Variants in CDH7 observed in about 807,000 individuals in gnomAD.
CDH7 encodes cadherin 7.
Under a neutral mutation model 71.8 loss-of-function variants are expected in CDH7, and 25 were observed. The observed-to-expected ratio is 0.35, with a 90% CI of 0.25 to 0.49. The LOEUF is 0.49. Ranked by LOEUF, CDH7 falls within the 20% of genes least tolerant of loss-of-function variation. The probability of loss-of-function intolerance (pLI) is 0.99; values close to 1 mark genes in which losing one functional copy is unlikely to be tolerated. For missense variants in CDH7, 862 were observed against 974.6 expected, an observed-to-expected ratio of 0.88 and a Z score of 1.54; for synonymous variants, 381 against 363.8, an observed-to-expected ratio of 1.05 and a Z score of -0.54.
intron 4 of CDH7, 128 bp from the exon 5 acceptor site, chr18:65,821,953 A>G: frequency 1.5e-6 from 1 of 683,088 alleles, no homozygotes; most frequent in Non-Finnish European, 2.6e-6. Context: ...ACACAGTAAA[A>G]TTATTTAAAG....
chr18:65,865,811 A>C (rs1326186175), intron 11 of CDH7: 1 of 152,200 alleles, frequency 6.6e-6, no homozygotes, highest in Non-Finnish European at 1.5e-5. Flanking sequence ...GCCTGGCATG[A>C]AAATTGATTT....
chr18:65,812,052 T>A (rs961466104), intron 3 of CDH7, among the ~76,000 whole-genome samples: 1 of 128,630 alleles, frequency 7.8e-6, no homozygotes, highest in African/African-American at 2.8e-5. Context: ...TACTGCAACC[T>A]CCACCTCCCG....
intron 11 of CDH7, chr18:65,866,499 A>T (rs1913767041): frequency 6.6e-6 from 1 of 152,106 alleles, no homozygotes; most frequent in South Asian, 2.1e-4. Flanking sequence ...CAGAAGTTTA[A>T]TGCTGGAAGG....
intron 11 of CDH7, among the ~76,000 whole-genome samples, chr18:65,867,550 CTG>C (rs940400069): frequency 6.6e-6 from 1 of 152,082 alleles, no homozygotes; most frequent in African/African-American, 2.4e-5. Context: ...AGAATTTCAA[CTG>C]TTTTGTTTAA....
intron 2 of CDH7, among the ~76,000 whole-genome samples, chr18:65,770,121 CAGTT>C (rs746137959): frequency 1.3e-5 from 2 of 152,056 alleles, no homozygotes; most frequent in African/African-American, 2.4e-5. Flanking sequence ...ATCTATAAGA[CAGTT>C]AGGTAATGTT....
At chr18:65,867,724 T>C (rs1028495456) in intron 11 of CDH7, among the ~76,000 whole-genome samples, 2 of 152,212 alleles carry the variant, frequency 1.3e-5, no homozygotes, top group Admixed American at 1.3e-4. Context: ...TACTTGGACT[T>C]CCAGGGCCCA....
At chr18:65,820,112 G>A (rs1214346926) in intron 4 of CDH7, among the ~76,000 whole-genome samples, 5 of 102,124 alleles carry the variant, frequency 4.9e-5, no homozygotes, top group Non-Finnish European at 1.1e-4. Flanking sequence ...TTGAACAATA[G>A]CAATATAAGT....
At chr18:65,849,682 G>A (rs987030610) in intron 7 of CDH7, among the ~76,000 whole-genome samples, 2 of 151,358 alleles carry the variant, frequency 1.3e-5, no homozygotes, top group African/African-American at 4.9e-5. Flanking sequence ...CAAAGTGCTG[G>A]GATTACAGGT....
At chr18:65,851,697 T>C (rs1913156221) in intron 7 of CDH7, among the ~76,000 whole-genome samples, 1 of 152,218 alleles carries the variant, frequency 6.6e-6, no homozygotes, top group African/African-American at 2.4e-5. Flanking sequence ...TGAAAACTCA[T>C]TTTAAAAAAT....
At position 65,821,778 on chromosome 18, in the gene CDH7, A is replaced by G. The variant is rs66550127; in HGVS notation, c.626-303A>G. Among the ~76,000 whole-genome samples the G allele has an allele frequency of 0.21, 31,670 of 152,096 alleles. 3,511 individuals are homozygous for G. Among genetic ancestry groups the G allele is most frequent in the Non-Finnish European group, 0.25 (17,311 of 67,944 alleles). ...TGTACAGGTGACTGTCCATTATTCT[A>G]GGTAAAAGGCCATTTTATTTATTTA... is the stretch of plus-strand genomic sequence containing the variant. On this transcript the variant is annotated intron_variant, in intron 4 of 11. Transcript: ENST00000397968.
chr18:65,788,271 C>A (rs1314435959), intron 2 of CDH7, among the ~76,000 whole-genome samples: 1 of 152,138 alleles, frequency 6.6e-6, no homozygotes, highest in African/African-American at 2.4e-5. Flanking sequence ...GCAAATTTTA[C>A]ATTACTGTCT....
intron 11 of CDH7, chr18:65,864,058 G>A (rs1913674840): frequency 6.6e-6 from 1 of 152,102 alleles, no homozygotes; most frequent in South Asian, 2.1e-4. Flanking sequence ...GGAGGTTATT[G>A]TCTTAAGTAA....
intron 1 of CDH7, among the ~76,000 whole-genome samples, chr18:65,762,293 G>GA (rs887833859): frequency 1.7e-4 from 26 of 151,560 alleles, no homozygotes; most frequent in Admixed American, 1.7e-3. Flanking sequence ...TAATATAAAA[G>GA]AAAAAAAATA....
Position 65,884,050 on chromosome 18 carries a change from C to G in CDH7, c.*3156C>G, listed in dbSNP as rs1914305826. On this transcript the variant is annotated 3_prime_UTR_variant, in exon 12 of 12. Transcript: ENST00000397968. ...TTTGCCAAATTATGCCCATTTTGAA[C>G]AGTTTAATTTATTGAAAAATCAGAT... 6.6e-6 allele frequency: 1 copy of G among 152,092 alleles called. No homozygotes were observed. Among genetic ancestry groups the G allele is most frequent in the Non-Finnish European group, 1.5e-5 (1 of 67,990 alleles). The allele number at this position is 152,092 out of a possible 1,614,324, so 9.4% of individuals were successfully genotyped here.
chr18:65,872,438 T>A (rs796341638), intron 11 of CDH7, among the ~76,000 whole-genome samples: 22 of 152,318 alleles, frequency 1.4e-4, no homozygotes, highest in African/African-American at 5.3e-4. Context: ...GGAAAGTGTT[T>A]CCACTTAATG....
intron 11 of CDH7, among the ~76,000 whole-genome samples, chr18:65,872,219 A>AC (rs1436282323): frequency 2.0e-5 from 3 of 152,194 alleles, no homozygotes; most frequent in African/African-American, 7.2e-5. Flanking sequence ...TGTAAAAAAA[A>AC]GGGCCACAAA....
intron 1 of CDH7, among the ~76,000 whole-genome samples, chr18:65,759,832 T>G (rs1233120915): frequency 6.6e-6 from 1 of 152,172 alleles, no homozygotes; most frequent in African/African-American, 2.4e-5. Flanking sequence ...AGTAAACACC[T>G]AGTGAACTAA....
In CDH7 at chr18:65,839,319, C is replaced by T. The variant is rs540004368; in HGVS notation, c.982-4493C>T. On this transcript the variant is annotated intron_variant, in intron 6 of 11. Coordinates refer to ENST00000397968, the MANE Select transcript of CDH7 (RefSeq NM_004361.5). ...TCCAAAGTCAAGATTTGGCATCTGA[C>T]GAGGGCCCTCTTTCTGGTTCATACA... Among the ~76,000 whole-genome samples the T allele has an allele frequency of 1.6e-4, 25 of 152,260 alleles. No homozygotes were observed. The South Asian group carries it at 4.6e-3, about 28-fold the overall frequency.
intron 2 of CDH7, among the ~76,000 whole-genome samples, chr18:65,783,928 A>T (rs1910410933): frequency 6.6e-6 from 1 of 151,962 alleles, no homozygotes; most frequent in Admixed American, 6.6e-5. Flanking sequence ...AAGGCTGTCA[A>T]TGGAGAAGTC....
Sources: gnomAD v4.1 joint callset for allele counts (sites outside exome capture counted in the v4.1 genomes callset) on GRCh38, gnomAD v4.1.1 for gene constraint, MANE v1.5 for transcripts, NCBI Gene and HGNC (gene_info 2026-07-23, HGNC 2026-07-21) for gene names.